Variants in INPP5A observed in about 807,000 individuals in gnomAD.
INPP5A encodes the protein inositol polyphosphate-5-phosphatase A.
A neutral mutation model predicts 65.2 loss-of-function variants in INPP5A; 14 were observed. That is an observed-to-expected ratio of 0.21 (90% CI 0.14 to 0.34). The LOEUF is 0.34. Ranked by LOEUF, INPP5A falls within the 10% of genes least tolerant of loss-of-function variation. INPP5A has a pLI of 1.00. For synonymous variants in INPP5A, 207 were observed against 208.3 expected (o/e 0.99, Z 0.05); for missense variants, 431 against 545.6 (o/e 0.79, Z 2.09).
chr10:132,756,352 G>A (rs1219394485), intron 11 of INPP5A, among the ~76,000 whole-genome samples: 1 of 152,090 alleles, frequency 6.6e-6, no homozygotes, highest in Non-Finnish European at 1.5e-5. Context: ...GTATGCATGT[G>A]TGTGTACACG....
intron 3 of INPP5A, among the ~76,000 whole-genome samples, chr10:132,648,212 C>A (rs1029641547): frequency 2.0e-5 from 3 of 152,260 alleles, no homozygotes; most frequent in African/African-American, 7.2e-5. Context: ...GCACCCTGAG[C>A]ACGGAGGACG....
At chr10:132,667,187 C>T (rs544710315) in intron 4 of INPP5A, among the ~76,000 whole-genome samples, 2 of 152,184 alleles carry the variant, frequency 1.3e-5, no homozygotes, top group African/African-American at 2.4e-5. Context: ...GGACAGCAGA[C>T]GTTTCCAGTA....
chr10:132,656,714 G>T (rs1388651291), intron 4 of INPP5A, among the ~76,000 whole-genome samples: 1 of 152,248 alleles, frequency 6.6e-6, no homozygotes, highest in Non-Finnish European at 1.5e-5. Flanking sequence ...ACCAAGCAGG[G>T]TTGCCCCGGG....
chr10:132,642,501 A>G (rs778914222), intron 2 of INPP5A, among the ~76,000 whole-genome samples: 13 of 152,080 alleles, frequency 8.5e-5, no homozygotes, highest in Non-Finnish European at 1.6e-4. Context: ...TGTAAAATCT[A>G]GTTATCCGTG....
chr10:132,664,756 T>C (rs888694741), intron 4 of INPP5A, among the ~76,000 whole-genome samples: 2 of 152,218 alleles, frequency 1.3e-5, no homozygotes, highest in Admixed American at 1.3e-4. Flanking sequence ...AGAACTGCTA[T>C]GTGCTCTTTG....
chr10:132,644,080 C>T lies in INPP5A; in HGVS notation c.118-1788C>T, dbSNP rs760054458. On this transcript the variant is annotated intron_variant, in intron 2 of 15. Coordinates refer to ENST00000368594, the MANE Select transcript of INPP5A (RefSeq NM_005539.5). The surrounding 1 kb of genome is among the most constrained non-coding windows in gnomAD (Gnocchi z 6.5). ...ACCGGCACCAAGGGTTGTCTGTTTT[C>T]AGAACTTCTGTTGTTTTGAGCACAG... 5.8e-4 allele frequency among the ~76,000 whole-genome samples: 89 copies of T among 152,326 alleles called. No homozygotes were observed. Among genetic ancestry groups the T allele is most frequent in the Non-Finnish European group, 1.1e-3 (73 of 68,022 alleles).
Position 132,550,474 on chromosome 10 carries a change from T to A in INPP5A, c.75+12303T>A, listed in dbSNP as rs973336118. 2.0e-5 allele frequency among the ~76,000 whole-genome samples: 3 copies of A among 152,222 alleles called. No individual in the cohort carries two copies. Among genetic ancestry groups the A allele is most frequent in the Admixed American group, 6.5e-5 (1 of 15,290 alleles). On this transcript the variant is annotated intron_variant, in intron 1 of 15. Transcript: ENST00000368594. This position sits in a 1 kb window ranked among gnomAD's most constrained non-coding sequence, Gnocchi z 4.2. Reference sequence around the variant, plus strand: ...ACTCCAAGGTGCACCTCACCACACCTGGAGCAGCGCCCGTGAGAGGAGGGA... The same window carrying A: ...ACTCCAAGGTGCACCTCACCACACCAGGAGCAGCGCCCGTGAGAGGAGGGA...
chr10:132,584,243 A>T (rs1159424997), intron 1 of INPP5A, among the ~76,000 whole-genome samples: 1 of 152,200 alleles, frequency 6.6e-6, no homozygotes, highest in Non-Finnish European at 1.5e-5. Context: ...ACCACCAACC[A>T]TTTGGAAAAC....
At chr10:132,574,310 T>G (rs28719120) in intron 1 of INPP5A, among the ~76,000 whole-genome samples, 101 of 81,450 alleles carry the variant, frequency 1.2e-3, no homozygotes, top group Middle Eastern at 7.9e-3. Context: ...TTGTTGAGAT[T>G]TTGGGTTGTA....
intron 1 of INPP5A, among the ~76,000 whole-genome samples, chr10:132,541,136 G>A (rs1383563602): frequency 2.0e-5 from 3 of 152,076 alleles, no homozygotes; most frequent in Non-Finnish European, 4.4e-5. Context: ...ACAGGCACAT[G>A]CCACCATGCC....
At position 132,727,081 on chromosome 10, in the gene INPP5A, G is replaced by A. The variant is rs1021050008; in HGVS notation, c.732+176G>A. 10 of 469,894 alleles carry A rather than the reference G, an allele frequency of 2.1e-5. No individual in the cohort carries two copies. Among genetic ancestry groups the A allele is most frequent in the South Asian group, 3.6e-5 (1 of 28,160 alleles). 29.1% of individuals were successfully genotyped at this position (469,894 alleles called of 1,614,324 possible). On this transcript the variant is annotated intron_variant, in intron 9 of 15. Transcript: ENST00000368594. This position sits in a 1 kb window ranked among gnomAD's most constrained non-coding sequence, Gnocchi z 6.5. ...TGTTTTGCTGTCGGCAGAGGGATCC[G>A]TGTTGGAATCCGGGGTGCGCGGGCC...
chr10:132,759,873 G>A (rs534640706), intron 11 of INPP5A, among the ~76,000 whole-genome samples: 4 of 152,266 alleles, frequency 2.6e-5, no homozygotes, highest in South Asian at 2.1e-4. Context: ...TCTTGTTCAC[G>A]TGCCCCTTGA....
intron 8 of INPP5A, among the ~76,000 whole-genome samples, chr10:132,719,345 G>C: frequency 6.7e-6 from 1 of 150,220 alleles, no homozygotes; most frequent in African/African-American, 2.4e-5. Flanking sequence ...TGTGGTACCT[G>C]GGTTCTGTCT....
At chr10:132,572,870 C>T (rs570846283) in intron 1 of INPP5A, among the ~76,000 whole-genome samples, 17 of 152,268 alleles carry the variant, frequency 1.1e-4, no homozygotes, top group Admixed American at 1.0e-3. Flanking sequence ...CTCTGGAATC[C>T]CATTGAAAGA....
intron 8 of INPP5A, among the ~76,000 whole-genome samples, chr10:132,714,619 C>T (rs937024871): frequency 2.0e-5 from 3 of 152,330 alleles, no homozygotes; most frequent in African/African-American, 7.2e-5. Context: ...AGGGCAGGTC[C>T]CAGCCCTGGA....
At chr10:132,613,031 C>T (rs1283404952) in intron 2 of INPP5A, among the ~76,000 whole-genome samples, 2 of 152,142 alleles carry the variant, frequency 1.3e-5, no homozygotes, top group Admixed American at 6.5e-5. Flanking sequence ...GCGGCAAGAC[C>T]CCAACTTGAC....
At chr10:132,754,540 C>T (rs1356668069) in intron 11 of INPP5A, among the ~76,000 whole-genome samples, 2 of 152,246 alleles carry the variant, frequency 1.3e-5, no homozygotes, top group East Asian at 1.9e-4. Flanking sequence ...ACCCCTGGCT[C>T]CAGTACCGTT....
chr10:132,656,679 G>A (rs2072660878), intron 4 of INPP5A, among the ~76,000 whole-genome samples: 2 of 152,236 alleles, frequency 1.3e-5, no homozygotes, highest in African/African-American at 4.8e-5. Context: ...AGCCAGCTGG[G>A]CCAGGTGAGC....
At chr10:132,594,531 G>A (rs972929489) in intron 1 of INPP5A, among the ~76,000 whole-genome samples, 4 of 151,852 alleles carry the variant, frequency 2.6e-5, no homozygotes, top group African/African-American at 4.8e-5. Context: ...GCCTGTGCAC[G>A]GGTGGTGTGT....
Sources: gnomAD v4.1 joint callset for allele counts (sites outside exome capture counted in the v4.1 genomes callset) on GRCh38, gnomAD v4.1.1 for gene constraint, Gnocchi (gnomAD v3.1) non-coding constraint, MANE v1.5 for transcripts, NCBI Gene and HGNC (gene_info 2026-07-23, HGNC 2026-07-21) for gene names.